The following STK33 variants were observed in gnomAD, a reference collection of about 807,000 sequenced individuals.
The protein encoded by STK33 is serine/threonine kinase 33.
A neutral mutation model predicts 58.0 loss-of-function variants in STK33; 52 were observed. The observed-to-expected ratio is 0.90, with a 90% CI of 0.72 to 1.13. The LOEUF (loss-of-function observed/expected upper bound fraction) is 1.13. Among genes scored for constraint, STK33 ranks in the 50% most tolerant of loss-of-function variants. The pLI is 0.00. For synonymous variants in STK33, 215 were observed against 200.1 expected (o/e 1.07, Z -0.63); for missense variants, 630 against 604.2 (o/e 1.04, Z -0.45).
At chr11:8,482,667 C>A (rs1466635614) in intron 1 of STK33, among the ~76,000 whole-genome samples, 6 of 151,938 alleles carry the variant, frequency 3.9e-5, no homozygotes, top group Non-Finnish European at 5.9e-5. Flanking sequence ...TAGCTCAGTT[C>A]CCCTGTATGT....
At position 8,434,592 on chromosome 11, in the gene STK33, G is replaced by A. The variant is rs57429516; in HGVS notation, c.1146+902C>T. On this transcript the variant is annotated intron_variant, in intron 14 of 15. Coordinates refer to ENST00000687296, the MANE Select transcript of STK33 (RefSeq NM_001352389.2). ...TTCATATAAAAAATTCTGGAGGTAG[G>A]CAGTGAAGGATTCACATGGCAGCTC... 3.3e-4 allele frequency among the ~76,000 whole-genome samples: 48 copies of A among 146,502 alleles called. No homozygotes were observed. In the East Asian group the frequency reaches 9.5e-3, roughly 29 times the overall value.
intron 11 of STK33, among the ~76,000 whole-genome samples, chr11:8,452,244 CAT>C (rs879260198): frequency 6.6e-6 from 1 of 151,976 alleles, no homozygotes; most frequent in Non-Finnish European, 1.5e-5. Flanking sequence ...ATGATTTTAA[CAT>C]GAGTTAACAA....
chr11:8,584,254 C>T (rs1345883684), intron 1 of STK33, among the ~76,000 whole-genome samples: 2 of 152,174 alleles, frequency 1.3e-5, no homozygotes, highest in Non-Finnish European at 2.9e-5. Context: ...CCACCTCTAA[C>T]CAATCTTCTT....
the STK33 span, among the ~76,000 whole-genome samples, chr11:8,374,954 G>A: frequency 6.6e-6 from 1 of 152,164 alleles, no homozygotes; most frequent in Non-Finnish European, 1.5e-5. Context: ...ATATTTGGCA[G>A]GGAAGTATAG....
At chr11:8,346,751 C>T in the STK33 span, among the ~76,000 whole-genome samples, 2 of 152,122 alleles carry the variant, frequency 1.3e-5, no homozygotes, top group Non-Finnish European at 2.9e-5. Context: ...TTCTTGCTGC[C>T]GTAACTCAAG....
intron 1 of STK33, among the ~76,000 whole-genome samples, chr11:8,545,904 G>A (rs758818189): frequency 1.3e-5 from 2 of 152,150 alleles, no homozygotes; most frequent in African/African-American, 4.8e-5. Context: ...CATAGAGTGC[G>A]CTTACACAAA....
At chr11:8,582,629 G>A (rs1032955754) in intron 1 of STK33, among the ~76,000 whole-genome samples, 2 of 152,118 alleles carry the variant, frequency 1.3e-5, no homozygotes, top group African/African-American at 4.8e-5. Context: ...TTGATACGTG[G>A]GGATTATGGG....
Position 8,436,071 on chromosome 11 carries a change from T to A in STK33, c.1016A>T (p.Glu339Val). ...EKLFELIRKG[E>V]LHFENAVWNS... ...CCAGACTGCATTTTCAAAATGTAGT[T>A]CTCCTTTTCTTATTAACTCAAAAAG... Residue 339 changes from glutamate to valine, a missense_variant, in exon 13 of 16, where the codon GAA becomes GTA. Transcript: ENST00000687296. 1 of 1,594,736 alleles carries A rather than the reference T, an allele frequency of 6.3e-7. No homozygotes were observed. Among genetic ancestry groups the A allele is most frequent in the Non-Finnish European group, 8.5e-7 (1 of 1,170,388 alleles).
chr11:8,447,057 G>A (rs979419693), intron 11 of STK33, among the ~76,000 whole-genome samples: 13 of 152,134 alleles, frequency 8.5e-5, no homozygotes, highest in African/African-American at 2.7e-4. Context: ...GAAAGTTTTT[G>A]CAATCTTTCC....
intron 1 of STK33, among the ~76,000 whole-genome samples, chr11:8,587,303 G>C (rs79904552): frequency 6.6e-6 from 1 of 152,098 alleles, no homozygotes; most frequent in East Asian, 1.9e-4. Context: ...CTACATATTT[G>C]TTAGGCACTT....
intron 11 of STK33, among the ~76,000 whole-genome samples, chr11:8,447,786 G>C (rs1310731111): frequency 2.6e-5 from 4 of 152,138 alleles, no homozygotes; most frequent in Admixed American, 6.6e-5. Context: ...GTTCTGGCCA[G>C]GACAATCAGG....
chr11:8,543,343 T>C (rs1363974805), intron 1 of STK33, among the ~76,000 whole-genome samples: 3 of 152,272 alleles, frequency 2.0e-5, no homozygotes, highest in Admixed American at 6.5e-5. Context: ...TTGGCCACAT[T>C]TGTTGATAAA....
the STK33 span, among the ~76,000 whole-genome samples, chr11:8,354,767 T>C: frequency 5.3e-5 from 8 of 152,028 alleles, no homozygotes; most frequent in Admixed American, 2.6e-4. Context: ...GCAAGAGGAG[T>C]GCTGCAAGAC....
At chr11:8,508,263 A>ATTT (rs1257195992) in intron 1 of STK33, among the ~76,000 whole-genome samples, 1 of 98,318 alleles carries the variant, frequency 1.0e-5, no homozygotes, top group South Asian at 3.6e-4. Context: ...TCTACCTTCT[A>ATTT]TTCTTTTTTT....
chr11:8,500,635 T>C (rs10840063), intron 1 of STK33, among the ~76,000 whole-genome samples: 83,705 of 152,032 alleles, frequency 0.55, 23,431 homozygotes, highest in African/African-American at 0.66. Context: ...CAATTCAGTG[T>C]AATCCCTATT....
chr11:8,572,534 G>C (rs1023151370), intron 1 of STK33, among the ~76,000 whole-genome samples: 8 of 152,180 alleles, frequency 5.3e-5, no homozygotes, highest in Admixed American at 3.3e-4. Context: ...ATGTCTAACA[G>C]GGTAGAGAAA....
At position 8,570,704 on chromosome 11, in the gene STK33, G is replaced by C. The variant is rs541826352; in HGVS notation, c.-466+23379C>G. On this transcript the variant is annotated intron_variant, in intron 1 of 15. Transcript: ENST00000687296. ...AGAGGTTACCTGAGAATGCAGAGGA[G>C]GGCCGAGAGAGGCAGGATGGAGACA... Among the ~76,000 whole-genome samples, 17 of 152,310 alleles carry C rather than the reference G, an allele frequency of 1.1e-4. No homozygotes were observed. In the South Asian group the frequency reaches 2.9e-3, roughly 26 times the overall value.
At chr11:8,474,544 T>C (rs867526566) in intron 5 of STK33, 137 bp downstream of exon 5, 2 of 616,694 alleles carry the variant, frequency 3.2e-6, no homozygotes, top group Non-Finnish European at 5.3e-6. Context: ...TCACCTCTTC[T>C]GTGAGAAAGA....
the STK33 span, among the ~76,000 whole-genome samples, chr11:8,366,420 C>T: frequency 3.9e-5 from 6 of 152,104 alleles, no homozygotes; most frequent in East Asian, 3.8e-4. Flanking sequence ...CGGTTAGAGC[C>T]GGAGGGAAAG....
Sources: gnomAD v4.1 joint callset for allele counts (sites outside exome capture counted in the v4.1 genomes callset) on GRCh38, gnomAD v4.1.1 for gene constraint, MANE v1.5 for transcripts, NCBI Gene and HGNC (gene_info 2026-07-23, HGNC 2026-07-21) for gene names.